PCDH15: variants seen among roughly 807,000 people sequenced by gnomAD.
The protein encoded by PCDH15 is protocadherin related 15.
A neutral mutation model predicts 178.5 loss-of-function variants in PCDH15; 129 were observed. The ratio of observed to expected loss-of-function variants is 0.72; its 90% CI spans 0.63 to 0.84. The LOEUF is 0.84. Among genes scored for constraint, PCDH15 ranks in the 40% least tolerant of loss-of-function variants. The pLI, the probability that PCDH15 is intolerant of heterozygous loss-of-function variation, is 0.00. For synonymous variants in PCDH15, 800 were observed against 732.0 expected (o/e 1.09, Z -1.50); for missense variants, 2,230 against 2,099.9 (o/e 1.06, Z -1.21).
intron 2 of PCDH15, among the ~76,000 whole-genome samples, chr10:54,596,836 A>C (rs1165962255): frequency 6.6e-6 from 1 of 152,172 alleles, no homozygotes; most frequent in East Asian, 1.9e-4. Flanking sequence ...ACCAATAAAA[A>C]TAAGAAATGG....
chr10:54,269,647 T>G (rs375224272), intron 8 of PCDH15, among the ~76,000 whole-genome samples: 1 of 151,988 alleles, frequency 6.6e-6, no homozygotes, highest in South Asian at 2.1e-4. Context: ...AAGTTCCATT[T>G]GTTAAAATTT....
intron 26 of PCDH15, among the ~76,000 whole-genome samples, chr10:53,879,407 G>C (rs1023788235): frequency 2.0e-5 from 3 of 152,104 alleles, no homozygotes; most frequent in Admixed American, 6.5e-5. Context: ...AGGAGGGTGG[G>C]AGCCAAGAAG....
At chr10:55,359,747 TACACACACACACACACACAC>T (rs57691062) in intron 2 of PCDH15, among the ~76,000 whole-genome samples, 2 of 81,660 alleles carry the variant, frequency 2.4e-5, no homozygotes, top group African/African-American at 7.1e-5. Context: ...TATATATATA[TACACACACACACACACACAC>T]ACACATATAT....
At chr10:55,310,182 T>C (rs1843547599) in intron 1 of PCDH15, among the ~76,000 whole-genome samples, 1 of 152,292 alleles carries the variant, frequency 6.6e-6, no homozygotes, top group East Asian at 1.9e-4. Context: ...TCTATAATTA[T>C]TTCCTTTATT....
At chr10:54,515,301 T>TA (rs1162416226) in intron 3 of PCDH15, among the ~76,000 whole-genome samples, 1 of 152,166 alleles carries the variant, frequency 6.6e-6, no homozygotes, top group South Asian at 2.1e-4. Flanking sequence ...CCAACGGGCT[T>TA]AAAAAACGGC....
chr10:55,289,688 A>G (rs1289015090), intron 1 of PCDH15, among the ~76,000 whole-genome samples: 1 of 152,078 alleles, frequency 6.6e-6, no homozygotes, highest in African/African-American at 2.4e-5. Flanking sequence ...TAATCTATCT[A>G]TCTAAATATC....
chr10:54,567,494 TA>T (rs749831121), intron 2 of PCDH15, among the ~76,000 whole-genome samples: 1 of 152,168 alleles, frequency 6.6e-6, no homozygotes, highest in Non-Finnish European at 1.5e-5. Context: ...TCACATTTTT[TA>T]TCAATGCTTT....
intron 2 of PCDH15, among the ~76,000 whole-genome samples, chr10:55,155,551 A>C (rs1042812234): frequency 1.3e-5 from 2 of 151,564 alleles, no homozygotes; most frequent in African/African-American, 2.4e-5. Context: ...CATAGATCAG[A>C]AAAAGGAAGT....
intron 1 of PCDH15, among the ~76,000 whole-genome samples, chr10:55,228,064 T>C (rs1841102928): frequency 6.6e-6 from 1 of 152,200 alleles, no homozygotes; most frequent in East Asian, 1.9e-4. Context: ...CAGGGACTGA[T>C]GAAAATGCTT....
intron 2 of PCDH15, among the ~76,000 whole-genome samples, chr10:54,650,637 A>T (rs1020051974): frequency 6.6e-6 from 1 of 152,148 alleles, no homozygotes; most frequent in Non-Finnish European, 1.5e-5. Context: ...TGAGGAAAGA[A>T]GTTTAATGGA....
intron 2 of PCDH15, among the ~76,000 whole-genome samples, chr10:55,453,021 T>C (rs1295779946): frequency 6.6e-6 from 1 of 152,214 alleles, no homozygotes; most frequent in Non-Finnish European, 1.5e-5. Context: ...TGAATTTATA[T>C]TTTAATTTTA....
chr10:54,121,896 C>G (rs1165118630), intron 15 of PCDH15, among the ~76,000 whole-genome samples: 1 of 151,898 alleles, frequency 6.6e-6, no homozygotes, highest in East Asian at 1.9e-4. Flanking sequence ...CAAAGAAGAG[C>G]TGATAGTAAT....
intron 9 of PCDH15, among the ~76,000 whole-genome samples, chr10:54,231,578 G>A (rs2054078418): frequency 1.3e-5 from 2 of 152,184 alleles, no homozygotes; most frequent in Admixed American, 1.3e-4. Flanking sequence ...ACCCCAGAAT[G>A]GTAGATCCAC....
chr10:55,438,426 T>C (rs1839099597), intron 2 of PCDH15, among the ~76,000 whole-genome samples: 1 of 152,204 alleles, frequency 6.6e-6, no homozygotes, highest in African/African-American at 2.4e-5. Context: ...AGTATCTACA[T>C]TGTTTTATAG....
chr10:54,080,139 C>T (rs997034532), intron 16 of PCDH15, among the ~76,000 whole-genome samples: 6 of 151,486 alleles, frequency 4.0e-5, no homozygotes, highest in African/African-American at 1.5e-4. Flanking sequence ...TGTTTAAAAC[C>T]CCTTTTGTGG....
At chr10:54,108,815 A>T (rs1292951135) in intron 15 of PCDH15, among the ~76,000 whole-genome samples, 1 of 152,198 alleles carries the variant, frequency 6.6e-6, no homozygotes, top group Non-Finnish European at 1.5e-5. Context: ...ACAGTAGGAT[A>T]GGACACTAGT....
intron 21 of PCDH15, among the ~76,000 whole-genome samples, chr10:53,962,847 T>C (rs2098121252): frequency 3.3e-5 from 5 of 152,188 alleles, no homozygotes; most frequent in African/African-American, 9.6e-5. Context: ...TGGTTTCCTT[T>C]GGAACTATGT....
At chr10:55,580,384 G>C in intron 2 of PCDH15, among the ~76,000 whole-genome samples, 1 of 135,630 alleles carries the variant, frequency 7.4e-6, no homozygotes, top group Non-Finnish European at 1.5e-5. Context: ...TTGAGACGAA[G>C]TCTCATTCTG....
chr10:54,133,330 A>T (rs937358564), intron 14 of PCDH15, among the ~76,000 whole-genome samples: 1 of 152,194 alleles, frequency 6.6e-6, no homozygotes, highest in Non-Finnish European at 1.5e-5. Context: ...TGCTTCTCTA[A>T]TAGCAAAATC....
Sources: allele counts gnomAD v4.1 joint callset (sites outside exome capture counted in the v4.1 genomes callset), GRCh38; gene constraint gnomAD v4.1.1; transcripts MANE v1.5; gene names NCBI Gene and HGNC (gene_info 2026-07-23, HGNC 2026-07-21).